SPAG16: variants seen among roughly 807,000 people sequenced by gnomAD.
The protein encoded by SPAG16 is sperm-associated antigen 16 protein.
In SPAG16, 86 loss-of-function variants were observed where a neutral mutation model predicts 80.4. That is an observed-to-expected ratio of 1.07 (90% CI 0.90 to 1.28). The LOEUF (loss-of-function observed/expected upper bound fraction) is 1.28. Among genes scored for constraint, SPAG16 ranks in the 50% most tolerant of loss-of-function variants. The pLI is 0.00. For synonymous variants in SPAG16, 294 were observed against 265.9 expected, an observed-to-expected ratio of 1.11 and a Z score of -1.03; for missense variants, 870 against 765.3, an observed-to-expected ratio of 1.14 and a Z score of -1.61.
chr2:214,250,260 G>GA (rs1435992909), intron 15 of SPAG16: 3 of 151,974 alleles, frequency 2.0e-5, no homozygotes, highest in African/African-American at 7.2e-5. Context: ...CATTTCACAT[G>GA]AAAAAGTTAC....
At chr2:213,629,243 A>G (rs1037904993) in intron 10 of SPAG16, among the ~76,000 whole-genome samples, 1 of 152,202 alleles carries the variant, frequency 6.6e-6, no homozygotes, top group African/African-American at 2.4e-5. Context: ...AATAAGAGCA[A>G]TAAAGTGGTC....
intron 10 of SPAG16, among the ~76,000 whole-genome samples, chr2:213,791,315 G>T (rs1442820717): frequency 6.6e-6 from 1 of 151,334 alleles, no homozygotes; most frequent in Non-Finnish European, 1.5e-5. Flanking sequence ...TAAATCCTTT[G>T]CATATACCCC....
intron 10 of SPAG16, among the ~76,000 whole-genome samples, chr2:213,675,902 G>T (rs977379243): frequency 9.0e-4 from 137 of 151,986 alleles, no homozygotes; most frequent in Middle Eastern, 3.4e-3. Context: ...CTTTAAAGTA[G>T]TTTTTTCCAA....
chr2:213,566,318 A>T (rs964253735), intron 10 of SPAG16, among the ~76,000 whole-genome samples: 1 of 152,296 alleles, frequency 6.6e-6, no homozygotes, highest in East Asian at 1.9e-4. Flanking sequence ...TTATATTATT[A>T]GTATTTATTT....
intron 11 of SPAG16, among the ~76,000 whole-genome samples, chr2:213,896,597 C>CACACACAT (rs1559562205): frequency 2.1e-5 from 3 of 143,136 alleles, no homozygotes; most frequent in Non-Finnish European, 3.1e-5. Context: ...CACACGCACA[C>CACACACAT]ACACACACAC....
intron 15 of SPAG16, among the ~76,000 whole-genome samples, chr2:214,291,969 T>G (rs1033577458): frequency 1.3e-5 from 2 of 152,236 alleles, no homozygotes; most frequent in East Asian, 3.8e-4. Context: ...TTTGCTTGTC[T>G]GGGAAAAACT....
At chr2:213,907,468 G>C (rs375037976) in intron 11 of SPAG16, among the ~76,000 whole-genome samples, 73 of 110,800 alleles carry the variant, frequency 6.6e-4, no homozygotes, top group African/African-American at 1.6e-3. Context: ...ACAGCGTGGA[G>C]GTTTCTCAAA....
chr2:214,033,559 A>G (rs1386034516), intron 13 of SPAG16, among the ~76,000 whole-genome samples: 1 of 152,182 alleles, frequency 6.6e-6, no homozygotes, highest in East Asian at 1.9e-4. Flanking sequence ...ATATTCAACC[A>G]TTTATTCATG....
intron 10 of SPAG16, among the ~76,000 whole-genome samples, chr2:213,545,469 G>T (rs2076581564): frequency 6.6e-6 from 1 of 151,978 alleles, no homozygotes; most frequent in Non-Finnish European, 1.5e-5. Context: ...TTAATTTTAA[G>T]GAAATCCAGC....
chr2:213,439,732 C>G (rs2070829324), intron 9 of SPAG16, among the ~76,000 whole-genome samples: 1 of 152,100 alleles, frequency 6.6e-6, no homozygotes, highest in Admixed American at 6.5e-5. Context: ...TTAGAAATGG[C>G]TATGAAAATT....
intron 10 of SPAG16, among the ~76,000 whole-genome samples, chr2:213,599,218 A>C (rs1426291593): frequency 6.6e-6 from 1 of 152,226 alleles, no homozygotes; most frequent in African/African-American, 2.4e-5. Context: ...ACAATTCTTA[A>C]GGCAGTATTT....
intron 14 of SPAG16, among the ~76,000 whole-genome samples, chr2:214,126,713 C>A (rs1486196401): frequency 6.6e-6 from 1 of 151,720 alleles, no homozygotes; most frequent in African/African-American, 2.4e-5. Flanking sequence ...GTTACTATCA[C>A]AATAAATAAA....
At chr2:214,149,405 A>G (rs765934602) in intron 15 of SPAG16, 139 bp downstream of exon 15, 2 of 750,270 alleles carry the variant, frequency 2.7e-6, no homozygotes, top group Non-Finnish European at 1.8e-6. Context: ...ACATTACATT[A>G]AGATATATTT....
At chr2:214,003,990 T>C (rs1054253754) in intron 12 of SPAG16, among the ~76,000 whole-genome samples, 11 of 152,098 alleles carry the variant, frequency 7.2e-5, no homozygotes, top group African/African-American at 2.7e-4. Flanking sequence ...AGCCACCCTG[T>C]TTATAGTATG....
At chr2:214,037,864 G>GGTGTGTGTGTGTGTGT (rs35564156) in intron 13 of SPAG16, among the ~76,000 whole-genome samples, 23 of 133,624 alleles carry the variant, frequency 1.7e-4, no homozygotes, top group Admixed American at 8.8e-4. Context: ...CCAGAAGCCT[G>GGTGTGTGTGTGTGTGT]GTGTGTGTGT....
chr2:214,328,043 T>C (rs1381702765), intron 15 of SPAG16, among the ~76,000 whole-genome samples: 1 of 152,172 alleles, frequency 6.6e-6, no homozygotes, highest in Non-Finnish European at 1.5e-5. Context: ...ATCCAGTTTA[T>C]AAATAAAAAA....
chr2:214,246,943 A>G (rs548741413), intron 15 of SPAG16, among the ~76,000 whole-genome samples: 8 of 152,310 alleles, frequency 5.3e-5, no homozygotes, highest in Non-Finnish European at 8.8e-5. Flanking sequence ...AGTGCCTTGA[A>G]TTGTTTCAGG....
At chr2:214,178,337 A>T (rs1187359199) in intron 15 of SPAG16, among the ~76,000 whole-genome samples, 2 of 151,014 alleles carry the variant, frequency 1.3e-5, no homozygotes, top group Non-Finnish European at 3.0e-5. Flanking sequence ...TAGTTTGTGA[A>T]ATAATGAAAG....
chr2:214,046,769 T>G (rs1476352804), intron 13 of SPAG16, among the ~76,000 whole-genome samples: 1 of 152,154 alleles, frequency 6.6e-6, no homozygotes, highest in Admixed American at 6.5e-5. Context: ...ACAGATGATA[T>G]GATCTTATAT....
Sources: allele counts gnomAD v4.1 joint callset (sites outside exome capture counted in the v4.1 genomes callset), GRCh38; gene constraint gnomAD v4.1.1; transcripts MANE v1.5; gene names NCBI Gene and HGNC (gene_info 2026-07-23, HGNC 2026-07-21).